The following SNTB1 variants were observed in gnomAD, a reference collection of about 807,000 sequenced individuals.
The protein encoded by SNTB1 is syntrophin beta 1, also known as beta-1-syntrophin.
In SNTB1, 36 loss-of-function variants were observed where a neutral mutation model predicts 48.9. The observed-to-expected ratio is 0.74, with a 90% CI of 0.56 to 0.97. The LOEUF (loss-of-function observed/expected upper bound fraction) is 0.97, where lower values mean the gene tolerates loss of function less well. Ranked by LOEUF, SNTB1 falls within the 50% of genes least tolerant of loss-of-function variation. The pLI, the probability that SNTB1 is intolerant of heterozygous loss-of-function variation, is 0.00. For synonymous variants in SNTB1, 299 were observed against 294.6 expected (o/e 1.01, Z -0.15); for missense variants, 786 against 703.4 (o/e 1.12, Z -1.33).
At chr8:120,799,292 C>A (rs777475218) in intron 1 of SNTB1, among the ~76,000 whole-genome samples, 3 of 151,920 alleles carry the variant, frequency 2.0e-5, no homozygotes, top group Non-Finnish European at 4.4e-5. Context: ...TGGAACAAAT[C>A]TCAAAATAGA....
chr8:120,783,421 A>G (rs1819863582), intron 1 of SNTB1, among the ~76,000 whole-genome samples: 1 of 152,240 alleles, frequency 6.6e-6, no homozygotes, highest in African/African-American at 2.4e-5. Flanking sequence ...CTGAATACAC[A>G]TGTGCATTCA....
At chr8:120,575,305 A>G (rs1815933731) in intron 3 of SNTB1, 80 bp from the exon 4 acceptor site, 1 of 1,528,370 alleles carries the variant, frequency 6.5e-7, no homozygotes, top group South Asian at 1.2e-5. Context: ...CCCTAATCAG[A>G]GGACTCAGCA....
intron 2 of SNTB1, among the ~76,000 whole-genome samples, chr8:120,692,112 C>A (rs1006016573): frequency 6.6e-6 from 1 of 152,084 alleles, no homozygotes; most frequent in Non-Finnish European, 1.5e-5. Context: ...GTACAACTGG[C>A]CAATCCCTGT....
chr8:120,587,458 C>G (rs952093373), intron 3 of SNTB1, among the ~76,000 whole-genome samples: 10 of 152,154 alleles, frequency 6.6e-5, no homozygotes, highest in Non-Finnish European at 1.5e-4. Context: ...GAAAAATCAG[C>G]CTCTGGAAAT....
intron 4 of SNTB1, among the ~76,000 whole-genome samples, chr8:120,561,265 A>G (rs1391222865): frequency 7.3e-6 from 1 of 137,534 alleles, no homozygotes; most frequent in Non-Finnish European, 1.5e-5. Flanking sequence ...GGTTGGAGTG[A>G]GCCGAGATTG....
intron 5 of SNTB1, among the ~76,000 whole-genome samples, chr8:120,542,659 A>G (rs1021569717): frequency 6.6e-6 from 1 of 151,984 alleles, no homozygotes; most frequent in Non-Finnish European, 1.5e-5. Context: ...GTCTCAAAAA[A>G]AATTTTTTTT....
At position 120,571,794 on chromosome 8, in the gene SNTB1, C is replaced by T. The variant is rs527344650; in HGVS notation, c.1136+3292G>A. Among the ~76,000 whole-genome samples the T allele has an allele frequency of 6.6e-5, 10 of 152,204 alleles. No homozygotes were observed. In the East Asian group the frequency reaches 9.6e-4, roughly 15 times the overall value. On this transcript the variant is annotated intron_variant, in intron 4 of 6. Transcript: ENST00000517992. Reference sequence around the variant, plus strand: ...GATTACAGGCATGAGCCAGCATACCCGGCCATGATTACTGCAGTTTTATTA... The same window carrying T: ...GATTACAGGCATGAGCCAGCATACCTGGCCATGATTACTGCAGTTTTATTA...
intron 1 of SNTB1, among the ~76,000 whole-genome samples, chr8:120,752,129 A>C (rs1390758157): frequency 6.6e-6 from 1 of 152,190 alleles, no homozygotes; most frequent in Non-Finnish European, 1.5e-5. Flanking sequence ...AGCAAGAGCC[A>C]AGCCTAAGAG....
intron 3 of SNTB1, among the ~76,000 whole-genome samples, chr8:120,605,692 TG>T (rs1816501919): frequency 6.6e-6 from 1 of 152,156 alleles, no homozygotes; most frequent in African/African-American, 2.4e-5. Context: ...ACCTCACATT[TG>T]TTAAAACAAA....
rs547018277 is a variant in SNTB1, at chr8:120,620,645, T to C, written c.996+11799A>G. 1.8e-3 allele frequency among the ~76,000 whole-genome samples: 266 copies of C among 147,362 alleles called. 1 individual carries two copies. The highest frequency in any genetic ancestry group is 6.1e-3 in the African/African-American group (241 of 39,682). On this transcript the variant is annotated intron_variant, in intron 3 of 6. Coordinates refer to ENST00000517992, the MANE Select transcript of SNTB1 (RefSeq NM_021021.4). ...AGCCAGTTAAACTGTGCAGCACAAC[T>C]CCCCCCACCCCCACCCCCACACACA... is the stretch of plus-strand genomic sequence containing the variant.
intron 1 of SNTB1, among the ~76,000 whole-genome samples, chr8:120,794,285 C>T (rs1340849094): frequency 6.6e-6 from 1 of 151,920 alleles, no homozygotes; most frequent in Non-Finnish European, 1.5e-5. Context: ...TCTAAACTTC[C>T]CGTACCAGCA....
Position 120,576,651 on chromosome 8 carries a change from G to A in SNTB1, c.997-1426C>T, listed in dbSNP as rs186012494. On this transcript the variant is annotated intron_variant, in intron 3 of 6. Transcript: ENST00000517992. ...ATCATATACAACAGTGGTTTTGAGT[G>A]CTGACTCGGGAGCTAGCAGGCCTGA... Among the ~76,000 whole-genome samples, 26 of 152,276 alleles carry A rather than the reference G, an allele frequency of 1.7e-4. No individual in the cohort carries two copies. In the East Asian group the frequency reaches 5.0e-3, roughly 29 times the overall value.
chr8:120,811,455 C>G lies in SNTB1; in HGVS notation c.389G>C (p.Gly130Ala). 5.0e-6 allele frequency: 8 copies of G among 1,613,914 alleles called. No individual in the cohort carries two copies. The highest frequency in any genetic ancestry group is 6.8e-6 in the Non-Finnish European group (8 of 1,179,866). Residue 130 changes from glycine (G) to alanine (A), a missense_variant, in exon 1 of 7, where the codon GGC (glycine) becomes GCC (alanine). Coordinates refer to ENST00000517992, the MANE Select transcript of SNTB1 (RefSeq NM_021021.4). ...GAGGATGGGCATCTTGTTCTCCTTGCCCCCCTTGATGCTGATCCCCAGCCC... is the reference window on the plus strand; with the variant it reads ...GAGGATGGGCATCTTGTTCTCCTTGGCCCCCTTGATGCTGATCCCCAGCCC... The part of the protein sequence containing the change: ...LGGLGISIKG[G>A]KENKMPILIS...
intron 4 of SNTB1, among the ~76,000 whole-genome samples, chr8:120,574,237 G>C (rs1184985309): frequency 1.3e-5 from 2 of 152,172 alleles, no homozygotes; most frequent in Non-Finnish European, 2.9e-5. Flanking sequence ...GTTGGCCAAA[G>C]GGCACGAAAT....
At chr8:120,666,745 C>T (rs1272518893) in intron 2 of SNTB1, among the ~76,000 whole-genome samples, 1 of 152,112 alleles carries the variant, frequency 6.6e-6, no homozygotes, top group Non-Finnish European at 1.5e-5. Flanking sequence ...GAATTTGTAG[C>T]ATAGCTCATT....
rs779530172 is a variant in SNTB1, at chr8:120,538,988, A to T, written c.1525-19T>A. The T allele has an allele frequency of 6.3e-7, 1 of 1,587,760 alleles. No homozygotes were observed. The highest frequency in any genetic ancestry group is 1.1e-5 in the South Asian group (1 of 87,674). ...CCAGTTGCTGAAATTTAAAAAGAAG[A>T]GAGCATGAGCGATTTTAAATTAATG... On this transcript the variant is annotated intron_variant, in intron 6 of 6. Transcript: ENST00000517992.
intron 3 of SNTB1, among the ~76,000 whole-genome samples, chr8:120,583,584 C>T (rs1473244543): frequency 6.6e-6 from 1 of 151,588 alleles, no homozygotes; most frequent in Admixed American, 6.6e-5. Flanking sequence ...TACTATCTCT[C>T]TTAAAGAAAC....
Position 120,623,580 on chromosome 8 carries a change from C to T in SNTB1, c.996+8864G>A, listed in dbSNP as rs180834226. Among the ~76,000 whole-genome samples, 65 of 152,356 alleles carry T rather than the reference C, an allele frequency of 4.3e-4. No homozygotes were observed. In the East Asian group the frequency reaches 0.012, roughly 28 times the overall value. ...CCCCAATGTGGTCCTGCACGGCGTG[C>T]AGTGTCCTTCTCCCAGGCTGTGAGT... On this transcript the variant is annotated intron_variant, in intron 3 of 6. Transcript: ENST00000517992.
intron 3 of SNTB1, among the ~76,000 whole-genome samples, chr8:120,601,461 A>G (rs1816420727): frequency 6.6e-6 from 1 of 152,202 alleles, no homozygotes; most frequent in East Asian, 1.9e-4. Context: ...ACCTGAGCCT[A>G]ACCCCATCTC....
Sources: allele counts gnomAD v4.1 joint callset (sites outside exome capture counted in the v4.1 genomes callset), GRCh38; gene constraint gnomAD v4.1.1; transcripts MANE v1.5; gene names NCBI Gene and HGNC (gene_info 2026-07-23, HGNC 2026-07-21).